Variants in FAM110C observed in about 807,000 individuals in gnomAD.
FAM110C encodes the protein protein FAM110C.
Under a neutral mutation model 15.7 loss-of-function variants are expected in FAM110C, and 19 were observed. The observed-to-expected ratio is 1.21, with a 90% CI of 0.85 to 1.78. FAM110C has a LOEUF of 1.78. Ranked by LOEUF, FAM110C falls within the 40% of genes most tolerant of loss-of-function variation. The pLI is 0.00. For missense variants in FAM110C, 547 were observed against 495.7 expected (o/e 1.10, Z -0.98); for synonymous variants, 275 against 233.9 (o/e 1.18, Z -1.61).
At chr2:45,117 CATTTTGG>C in intron 1 of FAM110C, 1 of 985,440 alleles carries the variant, frequency 1.0e-6, no homozygotes, top group African/African-American at 1.7e-5. Flanking sequence ...TTTCTGGCAG[CATTTTGG>C]ATTTCTCCTG....
chr2:43,833 T>A (rs966164342), intron 1 of FAM110C: 1 of 985,330 alleles, frequency 1.0e-6, no homozygotes, highest in African/African-American at 1.7e-5. Context: ...AGACAACTTT[T>A]TTTTGTTTGT....
Position 45,776 on chromosome 2 carries a change from G to C in FAM110C, c.610C>G (p.Leu204Val). The C allele has an allele frequency of 6.4e-7, 1 of 1,571,794 alleles. No homozygotes were observed. Among genetic ancestry groups the C allele is most frequent in the Non-Finnish European group, 8.6e-7 (1 of 1,161,474 alleles). Residue 204 changes from leucine to valine, a missense_variant, in exon 1 of 2, where the codon CTC becomes GTC. Coordinates refer to ENST00000327669, the MANE Select transcript of FAM110C (RefSeq NM_001077710.3). ...AAGGCAGCGGAATAGCGGGAGCTGA[G>C]GTCCGACTGTGAGCGCTGCAGCCCC... is the stretch of plus-strand genomic sequence containing the variant. ...RRGLQRSQSDLSSRYSAALAE... is the reference protein window; with the variant it reads ...RRGLQRSQSDVSSRYSAALAE...
At position 46,436 on chromosome 2, in the gene FAM110C, C is replaced by G; in HGVS notation, c.-51G>C. 2 of 1,234,546 alleles carry G rather than the reference C, an allele frequency of 1.6e-6. No individual in the cohort carries two copies. The highest frequency in any genetic ancestry group is 2.0e-6 in the Non-Finnish European group (2 of 980,874). The allele number at this position is 1,234,546 out of a possible 1,614,324, so 76.5% of individuals were successfully genotyped here. On this transcript the variant is annotated 5_prime_UTR_variant, in exon 1 of 2. Transcript: ENST00000327669. The stretch of plus-strand genomic sequence containing the variant: ...GTTCCGGGTCCAGCGGAGACGCGCT[C>G]GAGTGGTAGAGCCAGTCAGTCCCAG...
chr2:43,812 C>T lies in FAM110C; in HGVS notation c.946+1628G>A, dbSNP rs774547623. On this transcript the variant is annotated intron_variant, in intron 1 of 1. Transcript: ENST00000327669. The stretch of plus-strand genomic sequence containing the variant: ...AGCTTATTCATAAATTTACTTCTCA[C>T]GTACTTCAATAGACAACTTTTTTTT... 2.8e-4 allele frequency: 278 copies of T among 985,320 alleles called. 1 individual carries two copies. Among genetic ancestry groups the T allele is most frequent in the Non-Finnish European group, 3.1e-4 (261 of 829,940 alleles). 61.0% of individuals were successfully genotyped at this position (985,320 alleles called of 1,614,324 possible). A position where few individuals can be genotyped will look rare whatever the true frequency, so the allele number is the denominator to read the frequency against.
intron 1 of FAM110C, chr2:43,041 T>C (rs1381198026): frequency 1.0e-6 from 1 of 985,364 alleles, no homozygotes; most frequent in African/African-American, 1.7e-5. Flanking sequence ...ACACCAGTGC[T>C]GGGAGGTGGG....
intron 1 of FAM110C, chr2:42,387 C>A (rs1664150215): frequency 1.1e-6 from 1 of 881,340 alleles, no homozygotes; most frequent in African/African-American, 1.8e-5. Flanking sequence ...TTATTTATGC[C>A]AGTATTAAAA....
At chr2:45,017 G>T (rs1405123044) in intron 1 of FAM110C, 4 of 985,172 alleles carry the variant, frequency 4.1e-6, no homozygotes, top group Non-Finnish European at 4.8e-6. Flanking sequence ...CAAACATCAG[G>T]ACCGCCCACA....
At position 39,990 on chromosome 2, in the gene FAM110C, C is replaced by T. The variant is rs1664081412; in HGVS notation, c.*1618G>A. ...TAGATCAGGGGACCTGCTGTCCTGA[C>T]AGAGTCTATATTCGGCCAGCAAAGG... On this transcript the variant is annotated 3_prime_UTR_variant, in exon 2 of 2. Transcript: ENST00000327669. The T allele has an allele frequency of 1.3e-5, 2 of 152,174 alleles. No individual in the cohort carries two copies. Among genetic ancestry groups the T allele is most frequent in the South Asian group, 4.1e-4 (2 of 4,832 alleles). The allele number at this position is 152,174 out of a possible 1,614,324, so 9.4% of individuals were successfully genotyped here.
At chr2:43,064 G>T in intron 1 of FAM110C, 1 of 985,484 alleles carries the variant, frequency 1.0e-6, no homozygotes, top group Non-Finnish European at 1.2e-6. Flanking sequence ...GCTGTGAAGG[G>T]GCTAAGGTCA....
At chr2:41,791 A>C in intron 1 of FAM110C, 164 bp from the exon 2 acceptor site, 1 of 985,474 alleles carries the variant, frequency 1.0e-6, no homozygotes, top group Non-Finnish European at 1.2e-6. Flanking sequence ...ACAAGAGGTC[A>C]GTAACTTTAT....
At chr2:42,972 C>T in intron 1 of FAM110C, 1 of 985,444 alleles carries the variant, frequency 1.0e-6, no homozygotes, top group Non-Finnish European at 1.2e-6. Context: ...GAGGACCGCC[C>T]CACTGACCAG....
rs536794257 is a variant in FAM110C at position 40,269 on chromosome 2, G to A, written c.*1339C>T. The A allele has an allele frequency of 3.3e-5, 5 of 152,072 alleles. No individual in the cohort carries two copies. The East Asian group carries it at 7.7e-4, about 23-fold the overall frequency. 9.4% of individuals were successfully genotyped at this position (152,072 alleles called of 1,614,324 possible). A position where few individuals can be genotyped will look rare whatever the true frequency, so the allele number is the denominator to read the frequency against. On this transcript the variant is annotated 3_prime_UTR_variant, in exon 2 of 2. Transcript: ENST00000327669. ...AAGTAACCCAATGACCTACTCTCAC[G>A]GTAAAATAGTTACGAAAAAAGAATA...
intron 1 of FAM110C, chr2:42,728 T>A: frequency 1.6e-6 from 1 of 607,148 alleles, no homozygotes; most frequent in Non-Finnish European, 2.1e-6. Context: ...GACACTTTTA[T>A]TATAAGTTGT....
chr2:44,496 T>G (rs1664222561), intron 1 of FAM110C: 1 of 985,304 alleles, frequency 1.0e-6, no homozygotes. Context: ...TTTTAAAATT[T>G]ACTTATAGCA....
intron 1 of FAM110C, chr2:41,859 T>A (rs1664133772): frequency 1.0e-6 from 1 of 985,250 alleles, no homozygotes; most frequent in Non-Finnish European, 1.2e-6. Flanking sequence ...CCTGCAGGCC[T>A]TTTTCTGCGC....
chr2:45,601 C>G lies in FAM110C; in HGVS notation c.785G>C (p.Arg262Pro), dbSNP rs778064459. The G allele has an allele frequency of 1.9e-6, 3 of 1,611,806 alleles. No individual in the cohort carries two copies. The highest frequency in any genetic ancestry group is 1.7e-6 in the Non-Finnish European group (2 of 1,179,690). Residue 262 changes from arginine to proline, a missense_variant, in exon 1 of 2, where the codon CGG becomes CCG. Arg to Pro is a moderately radical substitution (Grantham distance 103, BLOSUM62 -2). Coordinates refer to ENST00000327669, the MANE Select transcript of FAM110C (RefSeq NM_001077710.3). Reference sequence around the variant, plus strand: ...CCCCTCGTCGTCGCCGCCGCTGTGCCGGGAGAAGCCGCTGCCGGAGGTGGC... The same window carrying G: ...CCCCTCGTCGTCGCCGCCGCTGTGCGGGGAGAAGCCGCTGCCGGAGGTGGC... ...SVATSGSGFSRHSGGDDEGLQ... is the reference protein window; with the variant it reads ...SVATSGSGFSPHSGGDDEGLQ...
At chr2:42,190 G>A (rs574097107) in intron 1 of FAM110C, 9 of 985,350 alleles carry the variant, frequency 9.1e-6, no homozygotes, top group African/African-American at 1.7e-5. Context: ...TGGATGTCCC[G>A]GGTTTATTTT....
chr2:45,399 C>G (rs749980963), intron 1 of FAM110C, 41 bp downstream of exon 1: 1 of 1,567,032 alleles, frequency 6.4e-7, no homozygotes, highest in Non-Finnish European at 8.7e-7. Flanking sequence ...TTCACAGCCC[C>G]GCACACGGCC....
chr2:46,211 C>G lies in FAM110C; in HGVS notation c.175G>C (p.Ala59Pro). ...GCCCCCGGGCCGCTGCCCTCGGAAG[C>G]GACGCCCCGGCCAGTCCCCGGCCGA... Reference protein sequence around the residue: ...RGRPGTGRGVASEGSGPGAIK... With the variant: ...RGRPGTGRGVPSEGSGPGAIK... Residue 59 changes from alanine (A) to proline (P), a missense_variant, in exon 1 of 2, where the codon GCT becomes CCT. By Grantham distance (27) the Ala-to-Pro change is conservative (BLOSUM62 -1). Coordinates refer to ENST00000327669, the MANE Select transcript of FAM110C (RefSeq NM_001077710.3). 2 of 1,377,216 alleles carry G rather than the reference C, an allele frequency of 1.5e-6. No homozygotes were observed. Among genetic ancestry groups the G allele is most frequent in the Non-Finnish European group, 1.9e-6 (2 of 1,071,076 alleles). The allele number at this position is 1,377,216 out of a possible 1,614,324, so 85.3% of individuals were successfully genotyped here. A position where few individuals can be genotyped will look rare whatever the true frequency, so the allele number is the denominator to read the frequency against.
Sources: allele counts gnomAD v4.1 joint callset, GRCh38; gene constraint gnomAD v4.1.1; transcripts MANE v1.5; gene names NCBI Gene and HGNC (gene_info 2026-07-23, HGNC 2026-07-21).